Variants in KHDRBS2 observed in about 807,000 individuals in gnomAD.
KHDRBS2 encodes the protein KH domain-containing, RNA-binding, signal transduction-associated protein 2.
Under a neutral mutation model 44.3 loss-of-function variants are expected in KHDRBS2, and 26 were observed. That is an observed-to-expected ratio of 0.59 (90% confidence interval 0.43 to 0.81). The LOEUF (loss-of-function observed/expected upper bound fraction) is 0.81, where lower values mean the gene tolerates loss of function less well. KHDRBS2 is among the 40% of genes least tolerant of loss of function. The probability of loss-of-function intolerance (pLI) is 0.00; values close to 1 mark genes in which losing one functional copy is unlikely to be tolerated. For synonymous variants in KHDRBS2, 194 were observed against 151.1 expected, an observed-to-expected ratio of 1.28 and a Z score of -2.08; for missense variants, 476 against 433.1, an observed-to-expected ratio of 1.10 and a Z score of -0.88.
At chr6:61,828,180 C>T (rs746978038) in intron 6 of KHDRBS2, among the ~76,000 whole-genome samples, 3 of 152,174 alleles carry the variant, frequency 2.0e-5, no homozygotes, top group Admixed American at 6.5e-5. Flanking sequence ...AACAGATATT[C>T]ATGCTGGGTA....
At chr6:61,811,776 T>A (rs1411830706) in intron 6 of KHDRBS2, among the ~76,000 whole-genome samples, 7 of 152,072 alleles carry the variant, frequency 4.6e-5, no homozygotes, top group Non-Finnish European at 8.8e-5. Context: ...GGCTTTTACA[T>A]ATTACCAAAT....
intron 1 of KHDRBS2, among the ~76,000 whole-genome samples, chr6:62,276,898 C>A (rs976888934): frequency 1.3e-5 from 2 of 152,124 alleles, no homozygotes; most frequent in African/African-American, 2.4e-5. Flanking sequence ...TTTACAATTT[C>A]TTTGCTGTGA....
chr6:62,009,529 T>A (rs1333810995), intron 3 of KHDRBS2, among the ~76,000 whole-genome samples: 3 of 151,856 alleles, frequency 2.0e-5, no homozygotes, highest in African/African-American at 4.8e-5. Context: ...ACCAAGACAA[T>A]GAGGAAAATG....
chr6:61,869,090 C>G (rs1052322579), intron 6 of KHDRBS2, among the ~76,000 whole-genome samples: 2 of 152,120 alleles, frequency 1.3e-5, no homozygotes, highest in Non-Finnish European at 2.9e-5. Context: ...GGGGGGTTCC[C>G]TTGCGTCCAC....
chr6:61,825,784 T>C (rs1790764497), intron 6 of KHDRBS2, among the ~76,000 whole-genome samples: 1 of 152,108 alleles, frequency 6.6e-6, no homozygotes, highest in Non-Finnish European at 1.5e-5. Context: ...AAAGCGACTT[T>C]ACCTCTTTGA....
the KHDRBS2 span, among the ~76,000 whole-genome samples, chr6:61,666,510 A>G: frequency 2.6e-5 from 4 of 151,264 alleles, no homozygotes; most frequent in Non-Finnish European, 5.9e-5. Flanking sequence ...CCTAATACAA[A>G]AGTGCATTTC....
At chr6:62,027,560 C>T (rs1205685951) in intron 3 of KHDRBS2, among the ~76,000 whole-genome samples, 1 of 152,066 alleles carries the variant, frequency 6.6e-6, no homozygotes, top group Non-Finnish European at 1.5e-5. Context: ...GGCTGATTGC[C>T]AGGGTAATTT....
chr6:62,020,440 T>C (rs933569923), intron 3 of KHDRBS2, among the ~76,000 whole-genome samples: 1 of 152,014 alleles, frequency 6.6e-6, no homozygotes, highest in Admixed American at 6.6e-5. Context: ...TGTGGGGTAT[T>C]GTCTATAAAT....
intron 1 of KHDRBS2, among the ~76,000 whole-genome samples, chr6:62,218,989 A>G (rs1023544789): frequency 6.6e-6 from 1 of 151,814 alleles, no homozygotes; most frequent in African/African-American, 2.4e-5. Context: ...ATTTACAGAC[A>G]CTAGAGATTC....
chr6:62,086,370 C>G (rs1395401253), intron 2 of KHDRBS2, among the ~76,000 whole-genome samples: 2 of 151,924 alleles, frequency 1.3e-5, no homozygotes, highest in Non-Finnish European at 2.9e-5. Context: ...GCTTTGATAG[C>G]TATAAAAAAT....
intron 2 of KHDRBS2, among the ~76,000 whole-genome samples, chr6:62,150,426 T>G (rs1212772574): frequency 6.6e-6 from 1 of 152,202 alleles, no homozygotes; most frequent in Non-Finnish European, 1.5e-5. Flanking sequence ...GTGCTATTTA[T>G]ATCTTCATTT....
intron 1 of KHDRBS2, among the ~76,000 whole-genome samples, chr6:62,232,363 C>T (rs1833025225): frequency 6.6e-6 from 1 of 152,038 alleles, no homozygotes; most frequent in Non-Finnish European, 1.5e-5. Context: ...ATTGTCCTCT[C>T]CTTATGTAAT....
the KHDRBS2 span, among the ~76,000 whole-genome samples, chr6:61,598,898 T>C: frequency 1.4e-5 from 2 of 138,352 alleles, no homozygotes; most frequent in Middle Eastern, 4.4e-3. Flanking sequence ...GAGCATTGAG[T>C]GTACAAAGAA....
chr6:62,254,143 T>C (rs184970465), intron 1 of KHDRBS2, among the ~76,000 whole-genome samples: 1 of 152,196 alleles, frequency 6.6e-6, no homozygotes, highest in African/African-American at 2.4e-5. Context: ...ATTTGTTTTA[T>C]AGTTTTGTTT....
chr6:62,064,982 G>A (rs959879938), intron 2 of KHDRBS2, among the ~76,000 whole-genome samples: 35 of 152,010 alleles, frequency 2.3e-4, no homozygotes, highest in Non-Finnish European at 4.9e-4. Context: ...GACATGAACA[G>A]ACACTTCTCA....
chr6:62,255,233 T>C (rs1221558045), intron 1 of KHDRBS2, among the ~76,000 whole-genome samples: 1 of 152,206 alleles, frequency 6.6e-6, no homozygotes, highest in South Asian at 2.1e-4. Flanking sequence ...AGCTACTTTT[T>C]TAGGGTAGCC....
At chr6:61,617,072 G>A in the KHDRBS2 span, among the ~76,000 whole-genome samples, 1 of 152,054 alleles carries the variant, frequency 6.6e-6, no homozygotes, top group Admixed American at 6.6e-5. Flanking sequence ...GAGAAATGAG[G>A]ATGTAGATGC....
intron 6 of KHDRBS2, among the ~76,000 whole-genome samples, chr6:61,785,440 C>T (rs1450575151): frequency 6.6e-6 from 1 of 151,922 alleles, no homozygotes; most frequent in Non-Finnish European, 1.5e-5. Flanking sequence ...ATGTACATAC[C>T]TTATTACCTA....
At chr6:62,098,624 C>T (rs1432864523) in intron 2 of KHDRBS2, among the ~76,000 whole-genome samples, 13 of 152,116 alleles carry the variant, frequency 8.5e-5, no homozygotes, top group Admixed American at 8.5e-4. Flanking sequence ...TCTTGGGGAA[C>T]ACTCATTTGA....
Sources: gnomAD v4.1 joint callset for allele counts (sites outside exome capture counted in the v4.1 genomes callset) on GRCh38, gnomAD v4.1.1 for gene constraint, MANE v1.5 for transcripts, NCBI Gene and HGNC (gene_info 2026-07-23, HGNC 2026-07-21) for gene names.